DOCK3: variants seen among roughly 807,000 people sequenced by gnomAD.
DOCK3 encodes the protein dedicator of cytokinesis 3, also known as dedicator of cytokinesis protein 3.
In DOCK3, 60 loss-of-function variants were observed where a neutral mutation model predicts 265.6. That is an observed-to-expected ratio of 0.23 (90% CI 0.18 to 0.28). The LOEUF (loss-of-function observed/expected upper bound fraction) is 0.28, where lower values mean the gene tolerates loss of function less well. Among genes scored for constraint, DOCK3 ranks in the 10% least tolerant of loss-of-function variants. The pLI is 1.00. For synonymous variants in DOCK3, 881 were observed against 938.0 expected (o/e 0.94, Z 1.11); for missense variants, 1,981 against 2,594.3 (o/e 0.76, Z 5.14).
chr3:50,974,137 A>C (rs1400477564), intron 5 of DOCK3, among the ~76,000 whole-genome samples: 1 of 151,406 alleles, frequency 6.6e-6, no homozygotes, highest in Non-Finnish European at 1.5e-5. Context: ...GAAGCTCTTT[A>C]GTTTAATTAG....
Position 51,359,620 on chromosome 3 carries a change from T to C in DOCK3, c.4885-891T>C, listed in dbSNP as rs2086594681. On this transcript the variant is annotated intron_variant, in intron 46 of 52. Transcript: ENST00000266037. The surrounding 1 kb of genome is among the most constrained non-coding windows in gnomAD (Gnocchi z 4.8). ...CCCAAGCAGGCTGGAGCCTGGCCAG[T>C]GAGGAGGTTCTCTGCCATGTGGGTT... is the stretch of plus-strand genomic sequence containing the variant. Among the ~76,000 whole-genome samples the C allele has an allele frequency of 6.6e-6, 1 of 152,212 alleles. No individual in the cohort carries two copies. Among genetic ancestry groups the C allele is most frequent in the Non-Finnish European group, 1.5e-5 (1 of 68,040 alleles).
chr3:50,965,201 A>C (rs533714894), intron 5 of DOCK3, among the ~76,000 whole-genome samples: 5 of 152,066 alleles, frequency 3.3e-5, no homozygotes, highest in East Asian at 1.9e-4. Context: ...TATAATGTAC[A>C]TACATCTGAA....
intron 1 of DOCK3, among the ~76,000 whole-genome samples, chr3:50,738,095 G>A (rs548209708): frequency 6.6e-6 from 1 of 152,320 alleles, no homozygotes; most frequent in African/African-American, 2.4e-5. Context: ...AGGCCATCTG[G>A]TGGGTTCTGC....
intron 1 of DOCK3, among the ~76,000 whole-genome samples, chr3:50,762,557 T>A (rs1015400028): frequency 6.6e-6 from 1 of 152,154 alleles, no homozygotes; most frequent in African/African-American, 2.4e-5. Flanking sequence ...CTGTATACTT[T>A]TAACCAATAT....
chr3:51,089,634 C>T (rs566004032), intron 8 of DOCK3, among the ~76,000 whole-genome samples: 32 of 152,120 alleles, frequency 2.1e-4, no homozygotes, highest in African/African-American at 6.7e-4. Context: ...CCGGGCTGGG[C>T]GTGGTGGCTC....
At chr3:51,298,100 A>G (rs1401937780) in intron 27 of DOCK3, among the ~76,000 whole-genome samples, 1 of 152,120 alleles carries the variant, frequency 6.6e-6, no homozygotes, top group Non-Finnish European at 1.5e-5. Flanking sequence ...CTTTGTGAAA[A>G]CCTTTTTAAT....
At chr3:50,743,549 C>A (rs3950917) in intron 1 of DOCK3, among the ~76,000 whole-genome samples, 2 of 149,438 alleles carry the variant, frequency 1.3e-5, no homozygotes, top group South Asian at 4.3e-4. Flanking sequence ...CAATCCTAGT[C>A]TCTGATAAAA....
intron 3 of DOCK3, among the ~76,000 whole-genome samples, chr3:50,871,629 A>T (rs983043374): frequency 1.3e-5 from 2 of 149,460 alleles, no homozygotes; most frequent in East Asian, 3.9e-4. Flanking sequence ...TTCTTTCTCT[A>T]CCTCCTCTTT....
intron 12 of DOCK3, among the ~76,000 whole-genome samples, chr3:51,197,809 G>A (rs1424773313): frequency 1.3e-5 from 2 of 152,188 alleles, no homozygotes; most frequent in African/African-American, 2.4e-5. Context: ...GCCTGGGCCA[G>A]CGGGTGGGAA....
intron 9 of DOCK3, among the ~76,000 whole-genome samples, chr3:51,126,164 T>C (rs562478182): frequency 2.0e-5 from 3 of 152,216 alleles, no homozygotes; most frequent in Non-Finnish European, 2.9e-5. Flanking sequence ...CTAAACTAAA[T>C]TGGTTTCTTC....
intron 32 of DOCK3, among the ~76,000 whole-genome samples, chr3:51,316,538 T>G (rs1205471820): frequency 6.6e-6 from 1 of 152,262 alleles, no homozygotes; most frequent in Non-Finnish European, 1.5e-5. Context: ...GAAGAGGTTC[T>G]CAAACTCTTT....
At chr3:51,250,137 G>A (rs2079123052) in intron 22 of DOCK3, among the ~76,000 whole-genome samples, 1 of 151,790 alleles carries the variant, frequency 6.6e-6, no homozygotes, top group Admixed American at 6.6e-5. Flanking sequence ...AAATGCTGCG[G>A]AAGGCCGCAG....
At chr3:50,771,574 G>A (rs1019677221) in intron 1 of DOCK3, among the ~76,000 whole-genome samples, 1 of 152,124 alleles carries the variant, frequency 6.6e-6, no homozygotes, top group Non-Finnish European at 1.5e-5. Flanking sequence ...GCTACTGGCC[G>A]GGTGTGGTGG....
chr3:51,010,505 G>T (rs1007447560), intron 5 of DOCK3, among the ~76,000 whole-genome samples: 2 of 151,930 alleles, frequency 1.3e-5, no homozygotes, highest in African/African-American at 4.8e-5. Context: ...TTTTGAGCCT[G>T]TGTGTGTCCC....
chr3:51,250,647 G>C (rs113017803), intron 22 of DOCK3, among the ~76,000 whole-genome samples: 293 of 152,136 alleles, frequency 1.9e-3, no homozygotes, highest in African/African-American at 6.9e-3. Flanking sequence ...AAACAAACTC[G>C]ATGAGTACTA....
chr3:50,741,414 T>TCCCTCCC (rs1167874197), intron 1 of DOCK3, among the ~76,000 whole-genome samples: 1 of 99,418 alleles, frequency 1.0e-5, no homozygotes, highest in African/African-American at 3.9e-5. Context: ...CCTAAAGCTA[T>TCCCTCCC]CCCTCCCCCC....
At chr3:50,719,159 CT>C (rs576930358) in intron 1 of DOCK3, among the ~76,000 whole-genome samples, 5 of 149,256 alleles carry the variant, frequency 3.3e-5, no homozygotes, top group Admixed American at 6.7e-5. Flanking sequence ...CTTGTATTCT[CT>C]TTTTTTTTAG....
chr3:50,912,699 G>A (rs1488827345), intron 4 of DOCK3, among the ~76,000 whole-genome samples: 1 of 151,218 alleles, frequency 6.6e-6, no homozygotes, highest in East Asian at 2.0e-4. Flanking sequence ...CAAAGGCAGA[G>A]AAACCTCACC....
rs1375426712 is a variant in DOCK3 at position 51,160,725 on chromosome 3, A to T, written c.1037+23A>T. On this transcript the variant is annotated intron_variant, in intron 12 of 52. Coordinates refer to ENST00000266037, the MANE Select transcript of DOCK3 (RefSeq NM_004947.5). ...CACGTGAGTAATGGACATCAGGAAT[A>T]TTAATGATTTGTAGCATAAGACATC... The T allele has an allele frequency of 2.5e-6, 4 of 1,606,584 alleles. No individual in the cohort carries two copies. The African/African-American group carries it at 5.3e-5, about 21-fold the overall frequency.
Sources: allele counts gnomAD v4.1 joint callset (sites outside exome capture counted in the v4.1 genomes callset), GRCh38; gene constraint gnomAD v4.1.1; non-coding constraint Gnocchi (gnomAD v3.1); transcripts MANE v1.5; gene names NCBI Gene and HGNC (gene_info 2026-07-23, HGNC 2026-07-21).